The following CLEC12A variants were observed in gnomAD, a reference collection of about 807,000 sequenced individuals.
The protein encoded by CLEC12A is C-type lectin domain family 12 member A, also known as C-type lectin protein CLL-1.
Under a neutral mutation model 26.5 loss-of-function variants are expected in CLEC12A, and 22 were observed. The ratio of observed to expected loss-of-function variants is 0.83; its 90% CI spans 0.59 to 1.19. The LOEUF is 1.19. Among genes scored for constraint, CLEC12A ranks in the 50% most tolerant of loss-of-function variants. The pLI is 0.00. For missense variants in CLEC12A, 353 were observed against 315.6 expected, an observed-to-expected ratio of 1.12 and a Z score of -0.90; for synonymous variants, 119 against 101.9, an observed-to-expected ratio of 1.17 and a Z score of -1.01.
chr12:9,998,644 T>TTTTTTG (rs368929442), downstream of CLEC12A, among the ~76,000 whole-genome samples: 2 of 145,618 alleles, frequency 1.4e-5, no homozygotes, highest in Non-Finnish European at 3.0e-5. Flanking sequence ...GTGTTTGTAT[T>TTTTTTG]TTTTGTTTTG....
Position 9,971,556 on chromosome 12 carries a change from G to C in CLEC12A, c.-41G>C. On this transcript the variant is annotated 5_prime_UTR_variant, in exon 1 of 6. Transcript: ENST00000304361. ...GCTCTGTTAACTCACTCATCTTTTT[G>C]TGTTTTTACACTTTGTCAAGATTTC... The C allele has an allele frequency of 1.3e-6, 2 of 1,581,416 alleles. No individual in the cohort carries two copies. Among genetic ancestry groups the C allele is most frequent in the Non-Finnish European group, 1.7e-6 (2 of 1,166,118 alleles).
intron 1 of CLEC12A, among the ~76,000 whole-genome samples, chr12:9,965,932 C>T (rs535350920): frequency 6.6e-6 from 1 of 151,698 alleles, no homozygotes; most frequent in Non-Finnish European, 1.5e-5. Context: ...TGGGGAGATA[C>T]AAGGGGAGGA....
rs1864469041 is a variant in CLEC12A, at chr12:9,979,514, C to A, written c.369C>A (p.Ser123Arg). ...CCAAATTATGTCGTGAGCTATATAG[C>A]AAAGAACAAGGTAATCTTGTATTCT... is the stretch of plus-strand genomic sequence containing the variant. ...IATKLCRELY[S>R]KEQEHKCKPC... The change falls in exon 3 of 6, where the codon AGC (serine) becomes AGA (arginine). Residue 123 changes from serine to arginine, a missense_variant. By Grantham distance (110) the Ser-to-Arg change is moderately radical. Coordinates refer to ENST00000304361, the MANE Select transcript of CLEC12A (RefSeq NM_138337.6). The A allele has an allele frequency of 6.2e-7, 1 of 1,609,406 alleles. No homozygotes were observed. Among genetic ancestry groups the A allele is most frequent in the Non-Finnish European group, 8.5e-7 (1 of 1,177,784 alleles).
intron 1 of CLEC12A, among the ~76,000 whole-genome samples, chr12:9,977,720 A>T (rs975065932): frequency 6.6e-6 from 1 of 152,102 alleles, no homozygotes; most frequent in South Asian, 2.1e-4. Flanking sequence ...TGTCTCACTT[A>T]TATATCTATT....
chr12:9,960,332 A>G (rs1863808952), intron 1 of CLEC12A, among the ~76,000 whole-genome samples: 1 of 152,254 alleles, frequency 6.6e-6, no homozygotes, highest in African/African-American at 2.4e-5. Flanking sequence ...CATATAAGAT[A>G]TAATGAATCA....
At chr12:9,989,758 T>C (rs534675736), downstream of CLEC12A, among the ~76,000 whole-genome samples, 39 of 152,340 alleles carry the variant, frequency 2.6e-4, no homozygotes, top group Admixed American at 2.0e-4. Context: ...GAAAGACATG[T>C]CATCTAGGAT....
At chr12:9,964,876 G>T (rs1278285507) in intron 1 of CLEC12A, among the ~76,000 whole-genome samples, 2 of 151,944 alleles carry the variant, frequency 1.3e-5, no homozygotes, top group African/African-American at 4.8e-5. Context: ...GAGGAAAAGG[G>T]GTGAATGTCA....
At chr12:9,963,886 G>A (rs1244844781) in intron 1 of CLEC12A, among the ~76,000 whole-genome samples, 1 of 152,190 alleles carries the variant, frequency 6.6e-6, no homozygotes, top group East Asian at 1.9e-4. Flanking sequence ...TGCGTAGAGG[G>A]GGAGGTTCGA....
the CLEC12A span, among the ~76,000 whole-genome samples, chr12:10,004,865 A>T: frequency 6.6e-6 from 1 of 151,858 alleles, no homozygotes; most frequent in Non-Finnish European, 1.5e-5. Flanking sequence ...TGCTGCACCC[A>T]TTAACTTGTC....
At chr12:9,972,262 A>G (rs938924524) in intron 1 of CLEC12A, among the ~76,000 whole-genome samples, 3 of 152,192 alleles carry the variant, frequency 2.0e-5, no homozygotes, top group African/African-American at 7.2e-5. Flanking sequence ...AAAGAGGTAA[A>G]GAAATATCAG....
chr12:9,983,534 T>C (rs1416269651), intron 5 of CLEC12A: 3 of 695,562 alleles, frequency 4.3e-6, no homozygotes, highest in African/African-American at 1.8e-5. Context: ...AAGCAGAAAA[T>C]ATCAAACGAA....
chr12:9,953,701 G>A (rs1281943190), intron 1 of CLEC12A, among the ~76,000 whole-genome samples: 2 of 151,766 alleles, frequency 1.3e-5, no homozygotes, highest in African/African-American at 2.4e-5. Flanking sequence ...CACCCCGTCT[G>A]GGAGGTGTGC....
chr12:9,971,592 C>G lies in CLEC12A; in HGVS notation c.-5C>G. ...CTTTGTCAAGATTTCTTTACATATTCATCAATGTCTGAAGAAGTTACTTAT... is the reference window on the plus strand; with the variant it reads ...CTTTGTCAAGATTTCTTTACATATTGATCAATGTCTGAAGAAGTTACTTAT... On this transcript the variant is annotated 5_prime_UTR_variant, in exon 1 of 6. Transcript: ENST00000304361. 6.2e-7 allele frequency: 1 copy of G among 1,600,198 alleles called. No individual in the cohort carries two copies. Among genetic ancestry groups the G allele is most frequent in the Non-Finnish European group, 8.5e-7 (1 of 1,173,618 alleles).
chr12:9,999,136 A>G (rs1435276828), downstream of CLEC12A: 2 of 1,445,494 alleles, frequency 1.4e-6, no homozygotes, highest in Non-Finnish European at 1.9e-6. Context: ...TCAGAGTTCA[A>G]TGACTTTGCA....
downstream of CLEC12A, among the ~76,000 whole-genome samples, chr12:9,996,590 A>C (rs1216741106): frequency 8.8e-6 from 1 of 113,628 alleles, no homozygotes; most frequent in Non-Finnish European, 1.9e-5. Context: ...CTGACTCTTC[A>C]TGTGTGACCC....
chr12:9,967,203 T>C (rs1863980663), upstream of CLEC12A, among the ~76,000 whole-genome samples: 1 of 151,658 alleles, frequency 6.6e-6, no homozygotes, highest in Non-Finnish European at 1.5e-5. Context: ...CAGCGATGCT[T>C]GGGGTTGGGA....
chr12:9,964,677 T>A (rs563190229), intron 1 of CLEC12A, among the ~76,000 whole-genome samples: 25 of 151,868 alleles, frequency 1.6e-4, no homozygotes, highest in African/African-American at 5.8e-4. Context: ...GAATAGTAGA[T>A]GGAACAGAAG....
At chr12:9,979,587 GAATCATTTTAT>G in intron 3 of CLEC12A, 63 bp downstream of exon 3, 6 of 1,262,768 alleles carry the variant, frequency 4.8e-6, no homozygotes, top group Non-Finnish European at 6.6e-6. Context: ...AGTCTCTTAA[GAATCATTTTAT>G]AATTAGCTAG....
the CLEC12A span, among the ~76,000 whole-genome samples, chr12:10,001,540 G>C: frequency 3.9e-5 from 6 of 152,134 alleles, no homozygotes; most frequent in African/African-American, 7.2e-5. Flanking sequence ...ATGACTTTGT[G>C]GTGTTAGAAG....
Sources: gnomAD v4.1 joint callset for allele counts (sites outside exome capture counted in the v4.1 genomes callset) on GRCh38, gnomAD v4.1.1 for gene constraint, MANE v1.5 for transcripts, NCBI Gene and HGNC (gene_info 2026-07-23, HGNC 2026-07-21) for gene names.